BDKRB2: variants seen among roughly 807,000 people sequenced by gnomAD.
BDKRB2 encodes the protein bradykinin receptor B2.
BDKRB2 carries 6 observed loss-of-function variants against 4.0 expected under a neutral mutation model. That is an observed-to-expected ratio of 1.49 (90% CI 0.81 to 2.93). The LOEUF (loss-of-function observed/expected upper bound fraction) is 2.93, where lower values mean the gene tolerates loss of function less well. Ranked by LOEUF, BDKRB2 falls within the 30% of genes most tolerant of loss-of-function variation. The pLI, the probability that BDKRB2 is intolerant of heterozygous loss-of-function variation, is 0.00. For synonymous variants in BDKRB2, 225 were observed against 215.3 expected (o/e 1.05, Z -0.40); for missense variants, 478 against 520.1 (o/e 0.92, Z 0.79).
rs61174897 is a variant in BDKRB2 at position 96,219,288 on chromosome 14, C to T, written c.-40+14329C>T. On this transcript the variant is annotated intron_variant, in intron 1 of 2. Coordinates refer to ENST00000554311, the MANE Select transcript of BDKRB2 (RefSeq NM_001379692.1). ...TTGCACTCCAGCCTAGGTGACAGAG[C>T]GAGACTCTGCCTCAAAAAACAAGAA... Among the ~76,000 whole-genome samples, 437 of 152,162 alleles carry T rather than the reference C, an allele frequency of 2.9e-3. 9 individuals are homozygous for T. In the East Asian group the frequency reaches 0.037, roughly 13 times the overall value.
At chr14:96,220,897 G>A (rs562477502) in intron 1 of BDKRB2, among the ~76,000 whole-genome samples, 31 of 152,072 alleles carry the variant, frequency 2.0e-4, no homozygotes, top group African/African-American at 6.8e-4. Flanking sequence ...TCTCCCCCAC[G>A]AAGCCTCCCA....
chr14:96,229,506 G>A (rs1890770241), intron 1 of BDKRB2, among the ~76,000 whole-genome samples: 1 of 152,124 alleles, frequency 6.6e-6, no homozygotes, highest in Non-Finnish European at 1.5e-5. Context: ...GCCCATGCAG[G>A]GAGTTGAGGA....
intron 2 of BDKRB2, chr14:96,239,624 G>A (rs993267232): frequency 2.0e-6 from 2 of 978,158 alleles, no homozygotes; most frequent in Non-Finnish European, 2.4e-6. Context: ...GCAGTGCTTG[G>A]GGCATTTTGC....
intron 1 of BDKRB2, among the ~76,000 whole-genome samples, chr14:96,212,080 G>A (rs1447307181): frequency 1.3e-5 from 2 of 152,214 alleles, no homozygotes; most frequent in East Asian, 1.9e-4. Flanking sequence ...TGAGGCAACA[G>A]GCAGGGACAG....
chr14:96,241,629 GTAAAACACC>G lies in BDKRB2; in HGVS notation c.*126_*134del. The G allele has an allele frequency of 7.1e-7, 1 of 1,401,118 alleles. No individual in the cohort carries two copies. The highest frequency in any genetic ancestry group is 9.3e-7 in the Non-Finnish European group (1 of 1,078,654). 86.8% of individuals were successfully genotyped at this position (1,401,118 alleles called of 1,614,324 possible). A position where few individuals can be genotyped will look rare whatever the true frequency, so the allele number is the denominator to read the frequency against. ...CTTGGGAAATGAGTTGATGTCTCCG[GTAAAACACC>G]GGAGACTAATTCCTGCCCTGCCCAA... On this transcript the variant is annotated 3_prime_UTR_variant, in exon 3 of 3. Transcript: ENST00000554311.
intron 1 of BDKRB2, among the ~76,000 whole-genome samples, chr14:96,230,241 G>C (rs894810651): frequency 2.0e-5 from 3 of 152,236 alleles, no homozygotes; most frequent in African/African-American, 7.2e-5. Context: ...AGCCATGATG[G>C]AGCAACACGG....
In BDKRB2 at chr14:96,243,115, TG is replaced by T. The variant is rs1464022347; in HGVS notation, c.*1613del. On this transcript the variant is annotated 3_prime_UTR_variant, in exon 3 of 3. Coordinates refer to ENST00000554311, the MANE Select transcript of BDKRB2 (RefSeq NM_001379692.1). Reference sequence around the variant, plus strand: ...AGCTAGAAGCTGGAGGACTAGAACCTGGAGGGCTGGAATCTGGAGAGCTAGA... The same window carrying T: ...AGCTAGAAGCTGGAGGACTAGAACCTGAGGGCTGGAATCTGGAGAGCTAGA... 1.9e-4 allele frequency: 29 copies of T among 150,592 alleles called. No homozygotes were observed. The highest frequency in any genetic ancestry group is 5.9e-4 in the African/African-American group (23 of 38,966). 9.3% of individuals were successfully genotyped at this position (150,592 alleles called of 1,614,324 possible).
intron 1 of BDKRB2, among the ~76,000 whole-genome samples, chr14:96,224,865 C>T (rs939087117): frequency 1.3e-5 from 2 of 152,160 alleles, no homozygotes; most frequent in African/African-American, 2.4e-5. Flanking sequence ...ACCTCCTGAG[C>T]GGAATTGGAT....
At position 96,204,871 on chromosome 14, in the gene BDKRB2, G is replaced by T. The variant is rs1890135292; in HGVS notation, c.-128G>T. On this transcript the variant is annotated 5_prime_UTR_variant, in exon 1 of 3. Transcript: ENST00000554311. Reference sequence around the variant, plus strand: ...CTCTGGCTTCTGGGCTCCGAGGAGGGGTGGGGACGGTGGGGACGGTGGGGA... The same window carrying T: ...CTCTGGCTTCTGGGCTCCGAGGAGGTGTGGGGACGGTGGGGACGGTGGGGA... 1.2e-5 allele frequency: 1 copy of T among 84,526 alleles called. No homozygotes were observed. The highest frequency in any genetic ancestry group is 2.1e-5 in the Non-Finnish European group (1 of 48,496). The allele number at this position is 84,526 out of a possible 1,614,324, so 5.2% of individuals were successfully genotyped here. A position where few individuals can be genotyped will look rare whatever the true frequency, so the allele number is the denominator to read the frequency against.
rs368842997 is a variant in BDKRB2, at chr14:96,207,037, G to A, written c.-40+2078G>A. ...CCATTCACAAGGAGGGGGACCTCAT[G>A]ATCTAATCTCCCCCCAGAAGTCTCA... is the stretch of plus-strand genomic sequence containing the variant. On this transcript the variant is annotated intron_variant, in intron 1 of 2. Coordinates refer to ENST00000554311, the MANE Select transcript of BDKRB2 (RefSeq NM_001379692.1). Among the ~76,000 whole-genome samples, 12 of 152,242 alleles carry A rather than the reference G, an allele frequency of 7.9e-5. No individual in the cohort carries two copies. In the East Asian group the frequency reaches 2.3e-3, roughly 29 times the overall value.
At chr14:96,205,607 G>A (rs752399268) in intron 1 of BDKRB2, among the ~76,000 whole-genome samples, 13 of 152,326 alleles carry the variant, frequency 8.5e-5, no homozygotes, top group Middle Eastern at 3.4e-3. Context: ...CAGGGGGATA[G>A]GATGGTGCAG....
intron 1 of BDKRB2, among the ~76,000 whole-genome samples, chr14:96,222,427 T>A (rs187553014): frequency 7.9e-4 from 120 of 152,174 alleles, no homozygotes; most frequent in Non-Finnish European, 1.4e-3. Flanking sequence ...CTTTGTATCA[T>A]GGCCTGGTCA....
intron 2 of BDKRB2, chr14:96,240,043 G>A: frequency 2.0e-6 from 2 of 1,021,042 alleles, no homozygotes; most frequent in Non-Finnish European, 2.3e-6. Flanking sequence ...TCCCTTGGGA[G>A]GGCCCCGGTT....
intron 1 of BDKRB2, among the ~76,000 whole-genome samples, chr14:96,209,149 G>T (rs563548562): frequency 2.6e-5 from 4 of 152,198 alleles, no homozygotes; most frequent in Non-Finnish European, 5.9e-5. Flanking sequence ...AGGTGCGGGG[G>T]TCCTGCTCTG....
intron 1 of BDKRB2, among the ~76,000 whole-genome samples, chr14:96,218,689 A>G (rs1344994676): frequency 6.6e-6 from 1 of 152,116 alleles, no homozygotes; most frequent in African/African-American, 2.4e-5. Flanking sequence ...AGTCCAGGGC[A>G]GGCAGATCAC....
chr14:96,238,443 A>G, intron 2 of BDKRB2: 1 of 983,206 alleles, frequency 1.0e-6, no homozygotes, highest in Non-Finnish European at 1.2e-6. Flanking sequence ...AATATCAAGT[A>G]ATTCGGGGGG....
rs561587429 is a variant in BDKRB2, at chr14:96,230,893, G to A, written c.-39-6176G>A. On this transcript the variant is annotated intron_variant, in intron 1 of 2. Transcript: ENST00000554311. ...GGCCTCCCAAAGTGCTGGGATTACA[G>A]GCGTGAGCCACAGCACCCAGCCTAG... Among the ~76,000 whole-genome samples, 123 of 152,270 alleles carry A rather than the reference G, an allele frequency of 8.1e-4. 1 individual carries two copies. Among genetic ancestry groups the A allele is most frequent in the Non-Finnish European group, 1.5e-3 (99 of 68,026 alleles).
intron 1 of BDKRB2, among the ~76,000 whole-genome samples, chr14:96,232,723 C>A (rs746781970): frequency 6.6e-6 from 1 of 152,182 alleles, no homozygotes; most frequent in African/African-American, 2.4e-5. Flanking sequence ...ACGGACACCA[C>A]GCTGAGACGT....
At chr14:96,211,021 G>A (rs367630175) in intron 1 of BDKRB2, 7 of 152,226 alleles carry the variant, frequency 4.6e-5, no homozygotes, top group East Asian at 3.8e-4. Flanking sequence ...CCCGATCCAA[G>A]TTATTAGCAA....
Sources: allele counts gnomAD v4.1 joint callset (sites outside exome capture counted in the v4.1 genomes callset), GRCh38; gene constraint gnomAD v4.1.1; transcripts MANE v1.5; gene names NCBI Gene and HGNC (gene_info 2026-07-23, HGNC 2026-07-21).